C8orf34: variants seen among roughly 807,000 people sequenced by gnomAD.
C8orf34 encodes uncharacterized protein C8orf34.
C8orf34 carries 65 observed loss-of-function variants against 68.3 expected under a neutral mutation model. The observed-to-expected ratio is 0.95, with a 90% confidence interval of 0.78 to 1.17. The LOEUF (loss-of-function observed/expected upper bound fraction) is 1.17, where lower values mean the gene tolerates loss of function less well. Ranked by LOEUF, C8orf34 falls within the 50% of genes most tolerant of loss-of-function variation. The pLI is 0.00. For missense variants in C8orf34, 664 were observed against 655.4 expected, an observed-to-expected ratio of 1.01 and a Z score of -0.14; for synonymous variants, 244 against 241.2, an observed-to-expected ratio of 1.01 and a Z score of -0.11.
At chr8:68,762,637 C>T (rs750159883) in intron 10 of C8orf34, among the ~76,000 whole-genome samples, 34 of 152,294 alleles carry the variant, frequency 2.2e-4, no homozygotes, top group South Asian at 1.9e-3. Context: ...AGTGTTCAGT[C>T]ATGTTCAGTA....
intron 10 of C8orf34, among the ~76,000 whole-genome samples, chr8:68,768,235 C>A (rs543343612): frequency 1.1e-4 from 16 of 152,272 alleles, no homozygotes; most frequent in African/African-American, 3.6e-4. Flanking sequence ...CTGATAGCTT[C>A]CTTGCTATTG....
In C8orf34 at chr8:68,610,861, G is replaced by GTTTTTGTTTTTTTTT. The variant is rs767393143; in HGVS notation, c.1106-29510_1106-29509insGTTTTTTTTTTTTTT. 1.7e-5 allele frequency among the ~76,000 whole-genome samples: 2 copies of GTTTTTGTTTTTTTTT among 120,476 alleles called. 1 individual carries two copies. The highest frequency in any genetic ancestry group is 6.9e-5 in the African/African-American group (2 of 28,846). The allele number at this position is 120,476 out of a possible 152,430, so 79.0% of individuals were successfully genotyped here. A position where few individuals can be genotyped will look rare whatever the true frequency, so the allele number is the denominator to read the frequency against. On this transcript the variant is annotated intron_variant, in intron 7 of 13. Coordinates refer to ENST00000518698, the MANE Select transcript of C8orf34 (RefSeq NM_052958.4). ...GTTTTCTGGTTACAGTGAATCTTTG[G>GTTTTTGTTTTTTTTT]TTTTTTTTTTTTTTTTTTTTGAGAC...
At chr8:68,658,135 G>T (rs949045511) in intron 8 of C8orf34, among the ~76,000 whole-genome samples, 2 of 152,104 alleles carry the variant, frequency 1.3e-5, no homozygotes, top group Admixed American at 1.3e-4. Flanking sequence ...ACCTCAATGA[G>T]TTAAGAGGTT....
intron 8 of C8orf34, among the ~76,000 whole-genome samples, chr8:68,667,441 G>C (rs1215078130): frequency 6.6e-6 from 1 of 152,112 alleles, no homozygotes; most frequent in African/African-American, 2.4e-5. Flanking sequence ...GCTACAGATT[G>C]TTTTTCACTT....
At chr8:68,615,452 G>A (rs1454592351) in intron 7 of C8orf34, among the ~76,000 whole-genome samples, 1 of 151,624 alleles carries the variant, frequency 6.6e-6, no homozygotes, top group Non-Finnish European at 1.5e-5. Context: ...TTGTTATTTT[G>A]AGATACGTCC....
rs141336692 is a variant in C8orf34, at chr8:68,778,475, A to G, written c.1455+2026A>G. ...TGAGACAGAATCATAACCACATGCA[A>G]TTAGACAATTTTGTTTAGATCTGAA... On this transcript the variant is annotated intron_variant, in intron 11 of 13. Coordinates refer to ENST00000518698, the MANE Select transcript of C8orf34 (RefSeq NM_052958.4). 9.1e-4 allele frequency among the ~76,000 whole-genome samples: 138 copies of G among 152,260 alleles called. No homozygotes were observed. In the East Asian group the frequency reaches 0.024, roughly 26 times the overall value.
intron 7 of C8orf34, among the ~76,000 whole-genome samples, chr8:68,624,462 C>A (rs1818478057): frequency 6.6e-6 from 1 of 152,104 alleles, no homozygotes; most frequent in South Asian, 2.1e-4. Context: ...AAAGCTGACC[C>A]TTAGCTCTAA....
chr8:68,720,774 G>C (rs1485447021), intron 9 of C8orf34, among the ~76,000 whole-genome samples: 1 of 151,704 alleles, frequency 6.6e-6, no homozygotes, highest in African/African-American at 2.4e-5. Context: ...TATGAAAAAG[G>C]TTGCATCATT....
intron 10 of C8orf34, among the ~76,000 whole-genome samples, chr8:68,774,325 G>T (rs1823438991): frequency 2.5e-5 from 1 of 39,224 alleles, no homozygotes; most frequent in South Asian, 6.6e-4. Flanking sequence ...AAATATGGGT[G>T]TGTGTGTATA....
intron 1 of C8orf34, among the ~76,000 whole-genome samples, chr8:68,405,846 G>A (rs922784776): frequency 2.6e-5 from 4 of 152,086 alleles, no homozygotes; most frequent in Admixed American, 2.6e-4. Flanking sequence ...CCTTTATAAT[G>A]AAACTTAGCG....
At chr8:68,465,639 A>AT (rs1325114588) in intron 3 of C8orf34, among the ~76,000 whole-genome samples, 1 of 152,012 alleles carries the variant, frequency 6.6e-6, no homozygotes, top group African/African-American at 2.4e-5. Context: ...TGATGAGTTC[A>AT]TGTCCTTTGT....
intron 1 of C8orf34, among the ~76,000 whole-genome samples, chr8:68,377,662 T>G (rs1450888016): frequency 6.6e-6 from 1 of 152,216 alleles, no homozygotes; most frequent in African/African-American, 2.4e-5. Flanking sequence ...GTAAAGCAAT[T>G]TAACAAAAGT....
chr8:68,789,053 T>A (rs1823920348), intron 12 of C8orf34, among the ~76,000 whole-genome samples: 1 of 152,214 alleles, frequency 6.6e-6, no homozygotes, highest in Non-Finnish European at 1.5e-5. Context: ...AAAAGTTTTA[T>A]GAAAAAATGC....
At chr8:68,476,878 A>G (rs937658748) in intron 4 of C8orf34, among the ~76,000 whole-genome samples, 2 of 152,208 alleles carry the variant, frequency 1.3e-5, no homozygotes, top group South Asian at 4.1e-4. Context: ...TAAAGTCTGC[A>G]GTTGCTTATC....
chr8:68,508,785 A>T (rs1814134218), intron 5 of C8orf34, among the ~76,000 whole-genome samples: 1 of 152,222 alleles, frequency 6.6e-6, no homozygotes, highest in Non-Finnish European at 1.5e-5. Flanking sequence ...AAAAAATGCA[A>T]GGCATCTGGA....
At chr8:68,500,960 A>T (rs1813744979) in intron 5 of C8orf34, among the ~76,000 whole-genome samples, 1 of 152,192 alleles carries the variant, frequency 6.6e-6, no homozygotes, top group Admixed American at 6.5e-5. Flanking sequence ...TGAACACTTC[A>T]AAGAAATAAT....
rs555833690 is a variant in C8orf34, at chr8:68,798,664, A to G, written c.1549+11128A>G. On this transcript the variant is annotated intron_variant, in intron 12 of 13. Coordinates refer to ENST00000518698, the MANE Select transcript of C8orf34 (RefSeq NM_052958.4). ...TTCCAATGCCAAATTGCAATTTTTC[A>G]TTATAATACTGGTTGTAGAGAATTA... Among the ~76,000 whole-genome samples the G allele has an allele frequency of 1.6e-4, 25 of 152,320 alleles. No individual in the cohort carries two copies. The East Asian group carries it at 4.2e-3, about 26-fold the overall frequency.
chr8:68,674,647 T>C (rs1268625773), intron 8 of C8orf34, among the ~76,000 whole-genome samples: 1 of 151,784 alleles, frequency 6.6e-6, no homozygotes, highest in Non-Finnish European at 1.5e-5. Flanking sequence ...GCCTACAAGA[T>C]CTAGAAAATA....
intron 5 of C8orf34, among the ~76,000 whole-genome samples, chr8:68,514,598 A>C (rs1255406528): frequency 6.6e-6 from 1 of 152,160 alleles, no homozygotes; most frequent in Admixed American, 6.5e-5. Flanking sequence ...AGAAGTATTA[A>C]ATATTTTGAA....
Sources: allele counts gnomAD v4.1 joint callset (sites outside exome capture counted in the v4.1 genomes callset), GRCh38; gene constraint gnomAD v4.1.1; transcripts MANE v1.5; gene names NCBI Gene and HGNC (gene_info 2026-07-23, HGNC 2026-07-21).